Variants in NAV2 observed in about 807,000 individuals in gnomAD.
NAV2 encodes neuron navigator 2.
In NAV2, 54 loss-of-function variants were observed where a neutral mutation model predicts 223.2. The ratio of observed to expected loss-of-function variants is 0.24; its 90% CI spans 0.19 to 0.30. NAV2 has a LOEUF of 0.30. NAV2 is among the 10% of genes least tolerant of loss of function. NAV2 has a pLI of 1.00. For synonymous variants in NAV2, 1,279 were observed against 1,239.3 expected, an observed-to-expected ratio of 1.03 and a Z score of -0.67; for missense variants, 2,806 against 3,147.5, an observed-to-expected ratio of 0.89 and a Z score of 2.60.
chr11:20,027,456 A>T, intron 11 of NAV2: 1 of 985,452 alleles, frequency 1.0e-6, no homozygotes, highest in Non-Finnish European at 1.2e-6. Context: ...GCAGAACTGG[A>T]AAATTGAGCA....
intron 11 of NAV2, among the ~76,000 whole-genome samples, chr11:19,987,281 A>C (rs925929778): frequency 4.6e-5 from 7 of 152,248 alleles, no homozygotes; most frequent in Non-Finnish European, 1.0e-4. Context: ...AATTGACCCG[A>C]ATTCTTTCCT....
chr11:20,109,835 CT>C (rs2062473489), intron 36 of NAV2, among the ~76,000 whole-genome samples: 1 of 152,250 alleles, frequency 6.6e-6, no homozygotes, highest in Non-Finnish European at 1.5e-5. Flanking sequence ...GAATAAAGGC[CT>C]CCCCTGCCCT....
intron 1 of NAV2, among the ~76,000 whole-genome samples, chr11:19,759,274 G>A (rs1375382390): frequency 5.9e-5 from 9 of 151,828 alleles, no homozygotes; most frequent in Non-Finnish European, 1.0e-4. Flanking sequence ...TAGTAGAGAC[G>A]GGGTTTCACC....
At chr11:19,526,371 G>C (rs1271969232) in intron 1 of NAV2, among the ~76,000 whole-genome samples, 1 of 151,970 alleles carries the variant, frequency 6.6e-6, no homozygotes, top group Non-Finnish European at 1.5e-5. Flanking sequence ...TCTGTAATTG[G>C]AATTCCCAGT....
chr11:20,100,794 T>C (rs905452530), intron 31 of NAV2, 143 bp from the exon 32 acceptor site: 6 of 644,738 alleles, frequency 9.3e-6, no homozygotes, highest in Non-Finnish European at 1.4e-5. Flanking sequence ...CAGCCTCCAG[T>C]GTTCCTGGGT....
intron 1 of NAV2, among the ~76,000 whole-genome samples, chr11:19,461,420 T>G (rs1852155300): frequency 6.6e-6 from 1 of 152,228 alleles, no homozygotes; most frequent in African/African-American, 2.4e-5. Flanking sequence ...AGAAGAGGTT[T>G]GGGACTTGTG....
At chr11:19,408,295 GGGAAAGGGCA>G (rs1849989622) in intron 1 of NAV2, among the ~76,000 whole-genome samples, 1 of 152,118 alleles carries the variant, frequency 6.6e-6, no homozygotes, top group Non-Finnish European at 1.5e-5. Context: ...CAAGCAGGCA[GGGAAAGGGCA>G]GGAAAGGGGA....
At chr11:19,453,052 G>A (rs1193055010) in intron 1 of NAV2, among the ~76,000 whole-genome samples, 1 of 152,184 alleles carries the variant, frequency 6.6e-6, no homozygotes, top group Non-Finnish European at 1.5e-5. Flanking sequence ...TCACATGGCT[G>A]GTAAGTGCGA....
intron 1 of NAV2, among the ~76,000 whole-genome samples, chr11:19,400,682 G>T (rs1456083290): frequency 6.6e-6 from 1 of 152,170 alleles, no homozygotes; most frequent in East Asian, 1.9e-4. Context: ...CCTTCTTCAA[G>T]ACACTACTGT....
intron 30 of NAV2, among the ~76,000 whole-genome samples, chr11:20,096,032 G>C (rs149265421): frequency 1.3e-5 from 2 of 152,350 alleles, no homozygotes; most frequent in Admixed American, 6.5e-5. Flanking sequence ...GCAACTCTTT[G>C]ATCCTCTCAC....
intron 1 of NAV2, among the ~76,000 whole-genome samples, chr11:19,584,534 CT>C (rs760106985): frequency 6.6e-6 from 1 of 152,216 alleles, no homozygotes; most frequent in Non-Finnish European, 1.5e-5. Context: ...AAATTTCCCT[CT>C]ACATGCTGCT....
intron 1 of NAV2, among the ~76,000 whole-genome samples, chr11:19,555,450 G>T (rs574795340): frequency 6.6e-6 from 1 of 152,244 alleles, no homozygotes; most frequent in South Asian, 2.1e-4. Flanking sequence ...CAGACCTGGG[G>T]GGGGCTCTGG....
At chr11:19,857,285 G>A (rs747616723) in intron 3 of NAV2, among the ~76,000 whole-genome samples, 1 of 152,234 alleles carries the variant, frequency 6.6e-6, no homozygotes, top group African/African-American at 2.4e-5. Context: ...TGGCAAAGAT[G>A]CCAAAGAAAC....
At chr11:19,792,809 T>A (rs1233366869) in intron 1 of NAV2, among the ~76,000 whole-genome samples, 5 of 149,768 alleles carry the variant, frequency 3.3e-5, no homozygotes, top group African/African-American at 9.9e-5. Flanking sequence ...CTGGGGGAGG[T>A]TTTAGGTGCT....
chr11:19,488,996 G>C (rs1015840290), intron 1 of NAV2, among the ~76,000 whole-genome samples: 3 of 152,202 alleles, frequency 2.0e-5, no homozygotes, highest in African/African-American at 7.2e-5. Context: ...TGACTCAAAG[G>C]ACATTGGGAA....
chr11:19,707,230 T>C (rs182555050), intron 1 of NAV2, among the ~76,000 whole-genome samples: 2 of 152,322 alleles, frequency 1.3e-5, no homozygotes, highest in East Asian at 1.9e-4. Context: ...TTTTTCTTTC[T>C]TCAATAATAA....
rs367723103 is a variant in NAV2, at chr11:19,968,190, T to TTTTG, written c.2646-15915_2646-15912dup. On this transcript the variant is annotated intron_variant, in intron 10 of 37. Transcript: ENST00000349880. ...AAATAGGGTGTTGTTGTTGATGTAG[T>TTTTG]TTTGTTTGTTTGTTTGTTTGTTTTG... is the stretch of plus-strand genomic sequence containing the variant. 9.9e-5 allele frequency among the ~76,000 whole-genome samples: 15 copies of TTTTG among 152,096 alleles called. No individual in the cohort carries two copies. The East Asian group carries it at 1.5e-3, about 16-fold the overall frequency.
At chr11:19,680,732 T>C (rs2048858825) in intron 1 of NAV2, among the ~76,000 whole-genome samples, 1 of 152,218 alleles carries the variant, frequency 6.6e-6, no homozygotes, top group Non-Finnish European at 1.5e-5. Context: ...GAATGAGAGC[T>C]AAAATTTATA....
intron 1 of NAV2, among the ~76,000 whole-genome samples, chr11:19,643,320 C>T (rs2047719133): frequency 7.9e-6 from 1 of 126,096 alleles, no homozygotes; most frequent in African/African-American, 2.9e-5. Context: ...CCCCCTCCCC[C>T]CACCCCACGA....
Sources: allele counts gnomAD v4.1 joint callset (sites outside exome capture counted in the v4.1 genomes callset), GRCh38; gene constraint gnomAD v4.1.1; transcripts MANE v1.5; gene names NCBI Gene and HGNC (gene_info 2026-07-23, HGNC 2026-07-21).